Variants in RPS6KA2 observed in about 807,000 individuals in gnomAD.
RPS6KA2 encodes ribosomal protein S6 kinase A2.
In RPS6KA2, 42 loss-of-function variants were observed where a neutral mutation model predicts 91.8. The observed-to-expected ratio is 0.46, with a 90% confidence interval of 0.36 to 0.59. The LOEUF (loss-of-function observed/expected upper bound fraction) is 0.59, where lower values mean the gene tolerates loss of function less well. RPS6KA2 is among the 20% of genes least tolerant of loss of function. The probability of loss-of-function intolerance (pLI) is 0.00; values close to 1 mark genes in which losing one functional copy is unlikely to be tolerated. For synonymous variants in RPS6KA2, 414 were observed against 393.6 expected, an observed-to-expected ratio of 1.05 and a Z score of -0.61; for missense variants, 798 against 978.5, an observed-to-expected ratio of 0.82 and a Z score of 2.46.
intron 2 of RPS6KA2, among the ~76,000 whole-genome samples, chr6:166,740,847 C>T (rs1790791338): frequency 6.6e-6 from 1 of 152,252 alleles, no homozygotes; most frequent in Admixed American, 6.5e-5. Flanking sequence ...CAGGAAAATG[C>T]AGATGAAAAT....
chr6:166,462,521 T>G (rs6914209), intron 11 of RPS6KA2, among the ~76,000 whole-genome samples: 38,410 of 152,106 alleles, frequency 0.25, 7,091 homozygotes, highest in African/African-American at 0.5. Context: ...CCTTTAATAC[T>G]AAGTATCTGC....
intron 1 of RPS6KA2, among the ~76,000 whole-genome samples, chr6:166,559,608 G>A (rs562705691): frequency 4.6e-5 from 7 of 152,234 alleles, no homozygotes; most frequent in Non-Finnish European, 1.5e-5. Flanking sequence ...GAGTAAAAAC[G>A]ATAAGCAGGG....
At chr6:166,467,588 C>T (rs897353813) in intron 11 of RPS6KA2, among the ~76,000 whole-genome samples, 19 of 152,088 alleles carry the variant, frequency 1.2e-4, no homozygotes, top group African/African-American at 4.6e-4. Context: ...CAGGAGGGGC[C>T]CTGGAAGCCA....
chr6:166,749,726 A>C (rs1207312154), intron 2 of RPS6KA2, among the ~76,000 whole-genome samples: 7 of 42,426 alleles, frequency 1.6e-4, no homozygotes, highest in African/African-American at 2.6e-4. Context: ...CAGGCCCCCC[A>C]TCCCCTTGGG....
chr6:166,422,812 A>T (rs1239253353), intron 17 of RPS6KA2, among the ~76,000 whole-genome samples: 4 of 152,106 alleles, frequency 2.6e-5, no homozygotes, highest in Admixed American at 2.0e-4. Flanking sequence ...CTGTCGGGGA[A>T]CCAATCTGGA....
At chr6:166,600,031 A>G (rs1045269034) in intron 1 of RPS6KA2, among the ~76,000 whole-genome samples, 2 of 152,148 alleles carry the variant, frequency 1.3e-5, no homozygotes, top group Admixed American at 6.5e-5. Flanking sequence ...GTTTTGAGAC[A>G]GAGTCTTGCT....
At chr6:166,832,614 C>G (rs1239944606) in intron 2 of RPS6KA2, among the ~76,000 whole-genome samples, 1 of 152,204 alleles carries the variant, frequency 6.6e-6, no homozygotes, top group East Asian at 1.9e-4. Flanking sequence ...GAATCCCTCT[C>G]TTAAGAAGCA....
rs550715656 is a variant in RPS6KA2 at position 166,591,739 on chromosome 6, C to T, written c.99+35182G>A. 5.3e-5 allele frequency among the ~76,000 whole-genome samples: 8 copies of T among 152,286 alleles called. No homozygotes were observed. The South Asian group carries it at 1.5e-3, about 28-fold the overall frequency. On this transcript the variant is annotated intron_variant, in intron 1 of 20. Transcript: ENST00000265678. ...GGACTGTGAGAGCATAAACTCCTGT[C>T]GGTTAATCCCACCTGTTCGAGGTAG...
intron 2 of RPS6KA2, among the ~76,000 whole-genome samples, chr6:166,833,262 C>T (rs1201326484): frequency 6.6e-6 from 1 of 152,202 alleles, no homozygotes; most frequent in Admixed American, 6.5e-5. Context: ...GCATCAGGAA[C>T]AACAAAGATG....
rs1786227894 is a variant in RPS6KA2, at chr6:166,612,658, T to C, written c.99+14263A>G. 6.6e-6 allele frequency among the ~76,000 whole-genome samples: 1 copy of C among 152,148 alleles called. No individual in the cohort carries two copies. Among genetic ancestry groups the C allele is most frequent in the African/African-American group, 2.4e-5 (1 of 41,428 alleles). On this transcript the variant is annotated intron_variant, in intron 1 of 20. Coordinates refer to ENST00000265678, the MANE Select transcript of RPS6KA2 (RefSeq NM_021135.6). This position sits in a 1 kb window ranked among gnomAD's most constrained non-coding sequence, Gnocchi z 4.3. ...CCGTGGGCTGTGCTCCATTTATCAC[T>C]CTGTCCGGGCGTCTGTTGTTACCCA...
chr6:166,746,561 G>A (rs752946604), intron 2 of RPS6KA2, among the ~76,000 whole-genome samples: 24 of 152,284 alleles, frequency 1.6e-4, no homozygotes, highest in Non-Finnish European at 2.2e-4. Flanking sequence ...TGACACTACC[G>A]ACCTGGAGAT....
intron 2 of RPS6KA2, among the ~76,000 whole-genome samples, chr6:166,682,820 A>G (rs1788873597): frequency 6.6e-6 from 1 of 152,196 alleles, no homozygotes; most frequent in Non-Finnish European, 1.5e-5. Context: ...CTCAGTAAAG[A>G]GACAACCCAT....
At chr6:166,575,215 G>A (rs1038855304) in intron 1 of RPS6KA2, among the ~76,000 whole-genome samples, 1 of 152,164 alleles carries the variant, frequency 6.6e-6, no homozygotes, top group Non-Finnish European at 1.5e-5. Context: ...TAAAAACTTT[G>A]AATAACTACA....
At chr6:166,758,465 G>A (rs1362813902) in intron 2 of RPS6KA2, among the ~76,000 whole-genome samples, 4 of 152,228 alleles carry the variant, frequency 2.6e-5, no homozygotes, top group Admixed American at 6.5e-5. Flanking sequence ...ATGGAGCCCT[G>A]CCTTGGTTCT....
intron 1 of RPS6KA2, among the ~76,000 whole-genome samples, chr6:166,579,223 A>G (rs1562591813): frequency 1.3e-5 from 2 of 152,182 alleles, no homozygotes; most frequent in Non-Finnish European, 1.5e-5. Flanking sequence ...TTCTGCATTC[A>G]GCTTTTTTTG....
chr6:166,586,548 A>G (rs1463654599), intron 1 of RPS6KA2: 1 of 1,459,516 alleles, frequency 6.9e-7, no homozygotes, highest in Non-Finnish European at 9.3e-7. Flanking sequence ...GCCAAGGGCT[A>G]TGTCTATCCA....
At chr6:166,748,393 G>T (rs968943809) in intron 2 of RPS6KA2, among the ~76,000 whole-genome samples, 2 of 152,118 alleles carry the variant, frequency 1.3e-5, no homozygotes, top group African/African-American at 2.4e-5. Flanking sequence ...AAACTCCACC[G>T]AGTGCCTCAG....
chr6:166,514,960 C>T (rs1782595458), intron 3 of RPS6KA2, among the ~76,000 whole-genome samples: 1 of 152,150 alleles, frequency 6.6e-6, no homozygotes, highest in South Asian at 2.1e-4. Flanking sequence ...ACATGCAGGG[C>T]TCAGGAAAAG....
At chr6:166,625,513 C>T (rs1324730176) in intron 1 of RPS6KA2, among the ~76,000 whole-genome samples, 1 of 152,106 alleles carries the variant, frequency 6.6e-6, no homozygotes, top group African/African-American at 2.4e-5. Context: ...AGTGTGCTCA[C>T]ACGTGTACCT....
Sources: allele counts gnomAD v4.1 joint callset (sites outside exome capture counted in the v4.1 genomes callset), GRCh38; gene constraint gnomAD v4.1.1; non-coding constraint Gnocchi (gnomAD v3.1); transcripts MANE v1.5; gene names NCBI Gene and HGNC (gene_info 2026-07-23, HGNC 2026-07-21).